Variants in NUP37 observed in about 807,000 individuals in gnomAD.
NUP37 encodes nucleoporin Nup37.
Under a neutral mutation model 45.4 loss-of-function variants are expected in NUP37, and 33 were observed. The ratio of observed to expected loss-of-function variants is 0.73; its 90% CI spans 0.55 to 0.97. The LOEUF is 0.97. Ranked by LOEUF, NUP37 falls within the 50% of genes least tolerant of loss-of-function variation. NUP37 has a pLI of 0.00. For synonymous variants in NUP37, 127 were observed against 130.7 expected (o/e 0.97, Z 0.19); for missense variants, 365 against 389.7 (o/e 0.94, Z 0.53).
chr12:102,086,945 A>G (rs1879489611), intron 5 of NUP37, among the ~76,000 whole-genome samples: 1 of 152,226 alleles, frequency 6.6e-6, no homozygotes, highest in Non-Finnish European at 1.5e-5. Flanking sequence ...TTGGCCAGGC[A>G]TAGTGATGCA....
chr12:102,116,028 A>G (rs1464274958), intron 2 of NUP37, among the ~76,000 whole-genome samples: 1 of 152,160 alleles, frequency 6.6e-6, no homozygotes, highest in Non-Finnish European at 1.5e-5. Context: ...TAAAAATCTA[A>G]TTTTTTCCTT....
At position 102,101,033 on chromosome 12, in the gene NUP37, T is replaced by A; in HGVS notation, c.353A>T (p.Lys118Met). 1 of 1,482,936 alleles carries A rather than the reference T, an allele frequency of 6.7e-7. No individual in the cohort carries two copies. The highest frequency in any genetic ancestry group is 9.3e-7 in the Non-Finnish European group (1 of 1,080,890). The allele number at this position is 1,482,936 out of a possible 1,614,324, so 91.9% of individuals were successfully genotyped here. A position where few individuals can be genotyped will look rare whatever the true frequency, so the allele number is the denominator to read the frequency against. Residue 118 changes from lysine to methionine, a missense_variant and splice_region_variant, in exon 4 of 10, where the codon AAG (lysine) becomes ATG (methionine). Physicochemically the swap from Lys to Met is moderately conservative, Grantham distance 95 (BLOSUM62 -1). Coordinates refer to ENST00000552283, the MANE Select transcript of NUP37 (RefSeq NM_024057.4). ...TSDLQDKNEY[K>M]VLEGHTDFIN... ...AGATTTATATGGTTGTCAACATACC[T>A]TATATTCATTTTTATCCTGAAGATC...
intron 6 of NUP37, among the ~76,000 whole-genome samples, chr12:102,081,514 A>C (rs1047483965): frequency 6.6e-6 from 1 of 152,214 alleles, no homozygotes; most frequent in Non-Finnish European, 1.5e-5. Context: ...GATTGAGTTC[A>C]AATCTGTCAC....
At position 102,077,276 on chromosome 12, in the gene NUP37, A is replaced by G. The variant is rs1404570335; in HGVS notation, c.722+46T>C. The G allele has an allele frequency of 1.9e-6, 3 of 1,585,274 alleles. No homozygotes were observed. The South Asian group carries it at 3.3e-5, about 18-fold the overall frequency. The stretch of plus-strand genomic sequence containing the variant: ...ATGAGTGGATCATTTAGCAACAGTT[A>G]CTGCCTTTTTTTGGTGTGTAATAGA... On this transcript the variant is annotated intron_variant, in intron 7 of 9. Coordinates refer to ENST00000552283, the MANE Select transcript of NUP37 (RefSeq NM_024057.4).
At chr12:102,092,133 T>A (rs1356694523) in intron 5 of NUP37, among the ~76,000 whole-genome samples, 1 of 152,230 alleles carries the variant, frequency 6.6e-6, no homozygotes, top group Non-Finnish European at 1.5e-5. Context: ...TATTTGTTCA[T>A]TCTCCATTTT....
intron 5 of NUP37, among the ~76,000 whole-genome samples, chr12:102,094,664 T>C (rs1879751737): frequency 6.6e-6 from 1 of 152,124 alleles, no homozygotes; most frequent in Non-Finnish European, 1.5e-5. Context: ...TAAACAACTA[T>C]ATTACTGGCT....
intron 3 of NUP37, among the ~76,000 whole-genome samples, chr12:102,104,404 TCCC>T (rs1024350178): frequency 1.4e-4 from 21 of 152,336 alleles, no homozygotes; most frequent in Non-Finnish European, 1.5e-4. Context: ...GCAAATATTT[TCCC>T]CCATTCTATG....
intron 2 of NUP37, chr12:102,115,703 T>C (rs746108334): frequency 3.2e-5 from 12 of 380,650 alleles, no homozygotes; most frequent in East Asian, 3.3e-4. Context: ...AAATGCTTTA[T>C]TGAAATTCAA....
intron 6 of NUP37, 45 bp downstream of exon 6, chr12:102,085,721 T>A: frequency 1.1e-6 from 1 of 922,632 alleles, no homozygotes; most frequent in Non-Finnish European, 1.7e-6. Context: ...TATATCTCTA[T>A]AAGTCTTTTC....
chr12:102,108,100 A>T (rs1880207271), intron 3 of NUP37, among the ~76,000 whole-genome samples: 1 of 152,230 alleles, frequency 6.6e-6, no homozygotes, highest in Admixed American at 6.5e-5. Flanking sequence ...TTCTGGGTGT[A>T]TCTGGGTGTT....
intron 6 of NUP37, among the ~76,000 whole-genome samples, chr12:102,082,404 G>A (rs1043404424): frequency 2.2e-4 from 34 of 152,166 alleles, no homozygotes; most frequent in Non-Finnish European, 8.8e-5. Flanking sequence ...GTAGAGCACT[G>A]TAAATGACTG....
chr12:102,102,496 G>A (rs747489274), intron 3 of NUP37, among the ~76,000 whole-genome samples: 16 of 152,144 alleles, frequency 1.1e-4, no homozygotes, highest in Admixed American at 7.2e-4. Context: ...CCTACATATT[G>A]TTGATATTAG....
Position 102,099,199 on chromosome 12 carries a change from A to C in NUP37, c.356T>G (p.Val119Gly). The change falls in exon 5 of 10, where the codon GTT (valine) becomes GGT (glycine). Residue 119 changes from valine to glycine, a missense_variant and splice_region_variant. Transcript: ENST00000552283. Reference sequence around the variant, plus strand: ...AATGAAATCGGTATGGCCCTCTAAAACCTGACAGAAAGAGAAACAGAAAGC... The same window carrying C: ...AATGAAATCGGTATGGCCCTCTAAACCCTGACAGAAAGAGAAACAGAAAGC... ...SDLQDKNEYK[V>G]LEGHTDFING... 2 of 1,602,274 alleles carry C rather than the reference A, an allele frequency of 1.2e-6. No individual in the cohort carries two copies. The highest frequency in any genetic ancestry group is 1.7e-6 in the Non-Finnish European group (2 of 1,169,476).
At chr12:102,087,545 T>C (rs1188102398) in intron 5 of NUP37, among the ~76,000 whole-genome samples, 1 of 152,176 alleles carries the variant, frequency 6.6e-6, no homozygotes, top group East Asian at 1.9e-4. Flanking sequence ...TTAGCAGGGG[T>C]TTATGCAACT....
At chr12:102,102,489 A>G (rs1417517739) in intron 3 of NUP37, among the ~76,000 whole-genome samples, 1 of 152,214 alleles carries the variant, frequency 6.6e-6, no homozygotes, top group Non-Finnish European at 1.5e-5. Context: ...TGAGTTCCCT[A>G]CATATTGTTG....
chr12:102,085,009 C>A (rs750493584), intron 6 of NUP37, among the ~76,000 whole-genome samples: 3 of 152,184 alleles, frequency 2.0e-5, no homozygotes, highest in Non-Finnish European at 2.9e-5. Flanking sequence ...GAATTGAACA[C>A]TACTGTAGCT....
chr12:102,087,756 T>C (rs1028392716), intron 5 of NUP37, among the ~76,000 whole-genome samples: 1 of 152,242 alleles, frequency 6.6e-6, no homozygotes, highest in Non-Finnish European at 1.5e-5. Flanking sequence ...CTTATTCTAA[T>C]ATGTATTTGT....
rs758460746 is a variant in NUP37, at chr12:102,076,881, G to GCACCCACT, written c.723-35_723-34insAGTGGGTG. ...TAATATTTTGCATTTTATGAATTATGTGTTAAACTCAAGTGGGTGAACTTA... is the reference window on the plus strand; with the variant it reads ...TAATATTTTGCATTTTATGAATTATGCACCCACTTGTTAAACTCAAGTGGGTGAACTTA... On this transcript the variant is annotated intron_variant, in intron 7 of 9. Transcript: ENST00000552283. The GCACCCACT allele has an allele frequency of 5.0e-5, 76 of 1,506,848 alleles. No individual in the cohort carries two copies. The Middle Eastern group carries it at 5.1e-4, about 10-fold the overall frequency. 93.3% of individuals were successfully genotyped at this position (1,506,848 alleles called of 1,614,324 possible).
In NUP37 at chr12:102,093,479, C is replaced by G. The variant is rs1046352868; in HGVS notation, c.449+5627G>C. Among the ~76,000 whole-genome samples, 3 of 152,006 alleles carry G rather than the reference C, an allele frequency of 2.0e-5. No homozygotes were observed. In the South Asian group the frequency reaches 6.2e-4, roughly 32 times the overall value. ...TTTTGTCACATTTAAAAATAAACTT[C>G]AAAAATTAAACTCTCAACTGCAAAG... is the stretch of plus-strand genomic sequence containing the variant. On this transcript the variant is annotated intron_variant, in intron 5 of 9. Transcript: ENST00000552283.
Sources: allele counts gnomAD v4.1 joint callset (sites outside exome capture counted in the v4.1 genomes callset), GRCh38; gene constraint gnomAD v4.1.1; transcripts MANE v1.5; gene names NCBI Gene and HGNC (gene_info 2026-07-23, HGNC 2026-07-21).